Variants in ZNF664 observed in about 807,000 individuals in gnomAD.
ZNF664 encodes the protein zinc finger Organ of Corti 1.
A neutral mutation model predicts 18.2 loss-of-function variants in ZNF664; 10 were observed. That is an observed-to-expected ratio of 0.55 (90% confidence interval 0.34 to 0.93). The LOEUF (loss-of-function observed/expected upper bound fraction) is 0.93, where lower values mean the gene tolerates loss of function less well. Among genes scored for constraint, ZNF664 ranks in the 40% least tolerant of loss-of-function variants. ZNF664 has a pLI of 0.02. For synonymous variants in ZNF664, 119 were observed against 104.2 expected, an observed-to-expected ratio of 1.14 and a Z score of -0.86; for missense variants, 193 against 319.0, an observed-to-expected ratio of 0.61 and a Z score of 3.01.
chr12:123,983,958 GGTA>G (rs145393442), intron 2 of ZNF664, among the ~76,000 whole-genome samples: 2,229 of 152,288 alleles, frequency 0.015, 61 homozygotes, highest in African/African-American at 0.052. Flanking sequence ...GGCAACTAGA[GGTA>G]GTAACCCATT....
At chr12:123,998,352 C>T (rs1045687859) in intron 3 of ZNF664, 2 of 152,172 alleles carry the variant, frequency 1.3e-5, no homozygotes, top group African/African-American at 2.4e-5. Flanking sequence ...AGGTGGACTA[C>T]TATCTCCTGG....
intron 3 of ZNF664, among the ~76,000 whole-genome samples, chr12:124,010,597 G>T (rs966022524): frequency 6.6e-6 from 1 of 152,188 alleles, no homozygotes; most frequent in African/African-American, 2.4e-5. Flanking sequence ...GTGCCAGAGG[G>T]TGTCCTGAAG....
rs186087904 is a variant in ZNF664 at position 124,011,551 on chromosome 12, G to A, written c.-594G>A. On this transcript the variant is annotated 5_prime_UTR_variant, in exon 5 of 5. Transcript: ENST00000337815. Reference sequence around the variant, plus strand: ...TATTTATGTTTCTATTACAGGAGACGGCATGATACCCATGTAGGGAATTCC... The same window carrying A: ...TATTTATGTTTCTATTACAGGAGACAGCATGATACCCATGTAGGGAATTCC... 2.6e-5 allele frequency: 26 copies of A among 985,850 alleles called. No homozygotes were observed. The highest frequency in any genetic ancestry group is 2.9e-5 in the Non-Finnish European group (24 of 830,372). The allele number at this position is 985,850 out of a possible 1,614,324, so 61.1% of individuals were successfully genotyped here.
In ZNF664 at chr12:124,013,242, T is replaced by C. The variant is rs1332708769; in HGVS notation, c.*312T>C. ...AAAAAGCCACAATCATTGCCCGGCC[T>C]CCTGAGTCACCTTCTATCTATACTT... On this transcript the variant is annotated 3_prime_UTR_variant, in exon 5 of 5. Transcript: ENST00000337815. 18 of 377,874 alleles carry C rather than the reference T, an allele frequency of 4.8e-5. No homozygotes were observed. The highest frequency in any genetic ancestry group is 8.9e-5 in the Non-Finnish European group (18 of 201,508). The allele number at this position is 377,874 out of a possible 1,614,324, so 23.4% of individuals were successfully genotyped here. A position where few individuals can be genotyped will look rare whatever the true frequency, so the allele number is the denominator to read the frequency against.
Position 123,988,057 on chromosome 12 carries a change from C to T in ZNF664, c.-742C>T. The T allele has an allele frequency of 1.6e-6, 2 of 1,231,486 alleles. No homozygotes were observed. The highest frequency in any genetic ancestry group is 2.0e-6 in the Non-Finnish European group (2 of 987,828). 76.3% of individuals were successfully genotyped at this position (1,231,486 alleles called of 1,614,324 possible). A position where few individuals can be genotyped will look rare whatever the true frequency, so the allele number is the denominator to read the frequency against. On this transcript the variant is annotated 5_prime_UTR_variant, in exon 3 of 5. Coordinates refer to ENST00000337815, the MANE Select transcript of ZNF664 (RefSeq NM_152437.3). ...CTCCCATCCAGCAGGATCCTAAGGC[C>T]TTTGTAGTCCTTCAGCCACTGTGGG...
At chr12:124,009,370 A>C (rs1195312154) in intron 3 of ZNF664, among the ~76,000 whole-genome samples, 1 of 152,168 alleles carries the variant, frequency 6.6e-6, no homozygotes, top group Non-Finnish European at 1.5e-5. Context: ...AACTATAGAA[A>C]CATATGTTTC....
At chr12:124,006,625 G>A (rs901061599) in intron 3 of ZNF664, among the ~76,000 whole-genome samples, 1 of 152,228 alleles carries the variant, frequency 6.6e-6, no homozygotes, top group Non-Finnish European at 1.5e-5. Flanking sequence ...TACAGGGAGA[G>A]AGGAAAGGCT....
At chr12:124,001,254 C>T (rs1957008418) in intron 3 of ZNF664, among the ~76,000 whole-genome samples, 1 of 152,196 alleles carries the variant, frequency 6.6e-6, no homozygotes, top group Non-Finnish European at 1.5e-5. Context: ...AGATGATCCC[C>T]TACCATGTTT....
chr12:124,013,233 T>C lies in ZNF664; in HGVS notation c.*303T>C. 1 of 394,462 alleles carries C rather than the reference T, an allele frequency of 2.5e-6. No individual in the cohort carries two copies. The highest frequency in any genetic ancestry group is 3.3e-5 in the South Asian group (1 of 30,390). 24.4% of individuals were successfully genotyped at this position (394,462 alleles called of 1,614,324 possible). ...AGACTACACAAAAAGCCACAATCATTGCCCGGCCTCCTGAGTCACCTTCTA... is the reference window on the plus strand; with the variant it reads ...AGACTACACAAAAAGCCACAATCATCGCCCGGCCTCCTGAGTCACCTTCTA... On this transcript the variant is annotated 3_prime_UTR_variant, in exon 5 of 5. Transcript: ENST00000337815.
At chr12:123,974,232 C>A (rs531864338) in intron 2 of ZNF664, 7 of 398,572 alleles carry the variant, frequency 1.8e-5, no homozygotes, top group Non-Finnish European at 3.1e-5. Context: ...TGAAACCTTT[C>A]TTGCCGAACT....
chr12:124,006,033 A>G (rs918632197), intron 3 of ZNF664: 2 of 152,414 alleles, frequency 1.3e-5, no homozygotes, highest in African/African-American at 2.4e-5. Context: ...CTGGCTGAAC[A>G]CTGTGGACAT....
At chr12:123,994,369 TG>T (rs1462830754) in intron 3 of ZNF664, among the ~76,000 whole-genome samples, 1 of 152,220 alleles carries the variant, frequency 6.6e-6, no homozygotes. Flanking sequence ...TAAAGTTTTA[TG>T]AAGATACTTA....
intron 3 of ZNF664, among the ~76,000 whole-genome samples, chr12:123,999,850 C>G (rs901260675): frequency 6.6e-6 from 1 of 152,186 alleles, no homozygotes; most frequent in Non-Finnish European, 1.5e-5. Flanking sequence ...AGCTGCAGGT[C>G]AGACATAGAT....
At position 124,011,677 on chromosome 12, in the gene ZNF664, A is replaced by G; in HGVS notation, c.-468A>G. On this transcript the variant is annotated 5_prime_UTR_variant, in exon 5 of 5. Transcript: ENST00000337815. Reference sequence around the variant, plus strand: ...GGCAGAATGCCAAACTGACTCTTCAAGGGGCAACTGCAGGGGCTCGAGACC... The same window carrying G: ...GGCAGAATGCCAAACTGACTCTTCAGGGGGCAACTGCAGGGGCTCGAGACC... The G allele has an allele frequency of 2.0e-6, 2 of 1,007,686 alleles. No individual in the cohort carries two copies. Among genetic ancestry groups the G allele is most frequent in the Non-Finnish European group, 2.4e-6 (2 of 847,006 alleles). The allele number at this position is 1,007,686 out of a possible 1,614,324, so 62.4% of individuals were successfully genotyped here. A position where few individuals can be genotyped will look rare whatever the true frequency, so the allele number is the denominator to read the frequency against.
In ZNF664 at chr12:124,011,815, C is replaced by T; in HGVS notation, c.-330C>T. Reference sequence around the variant, plus strand: ...GGAAGATTCCAGGGGCTCAAAAACGCAAAGGTTTGCACTTTGAGAGCCCCT... The same window carrying T: ...GGAAGATTCCAGGGGCTCAAAAACGTAAAGGTTTGCACTTTGAGAGCCCCT... On this transcript the variant is annotated 5_prime_UTR_variant, in exon 5 of 5. Coordinates refer to ENST00000337815, the MANE Select transcript of ZNF664 (RefSeq NM_152437.3). 8.9e-7 allele frequency: 1 copy of T among 1,129,044 alleles called. No homozygotes were observed. Among genetic ancestry groups the T allele is most frequent in the Non-Finnish European group, 1.1e-6 (1 of 925,944 alleles). 69.9% of individuals were successfully genotyped at this position (1,129,044 alleles called of 1,614,324 possible).
At chr12:123,984,827 GTCATCATTCC>G (rs1246539447) in intron 2 of ZNF664, among the ~76,000 whole-genome samples, 1 of 152,068 alleles carries the variant, frequency 6.6e-6, no homozygotes, top group Non-Finnish European at 1.5e-5. Flanking sequence ...CATGGAAATG[GTCATCATTCC>G]AGCCAAGCAG....
intron 1 of ZNF664, 57 bp downstream of exon 1, chr12:123,973,409 G>A: frequency 1.0e-6 from 1 of 961,268 alleles, no homozygotes; most frequent in Non-Finnish European, 1.2e-6. Context: ...GGAGGCGGGG[G>A]CCGGGGGCCA....
intron 3 of ZNF664, among the ~76,000 whole-genome samples, chr12:124,008,711 A>C (rs1384115371): frequency 6.6e-6 from 1 of 151,972 alleles, no homozygotes; most frequent in Non-Finnish European, 1.5e-5. Context: ...CCCATTCTCT[A>C]CAGTCATTAT....
At chr12:123,978,876 T>C (rs180918410) in intron 2 of ZNF664, among the ~76,000 whole-genome samples, 2 of 152,196 alleles carry the variant, frequency 1.3e-5, no homozygotes, top group African/African-American at 4.8e-5. Flanking sequence ...ATTTAGTATA[T>C]GATAAAGTTG....
Sources: gnomAD v4.1 joint callset for allele counts (sites outside exome capture counted in the v4.1 genomes callset) on GRCh38, gnomAD v4.1.1 for gene constraint, MANE v1.5 for transcripts, NCBI Gene and HGNC (gene_info 2026-07-23, HGNC 2026-07-21) for gene names.